The following PPARGC1A variants were observed in gnomAD, a reference collection of about 807,000 sequenced individuals.
PPARGC1A encodes peroxisome proliferator-activated receptor gamma coactivator 1-alpha.
In PPARGC1A, 25 loss-of-function variants were observed where a neutral mutation model predicts 88.7. The observed-to-expected ratio is 0.28, with a 90% confidence interval of 0.21 to 0.39. PPARGC1A has a LOEUF of 0.39. Ranked by LOEUF, PPARGC1A falls within the 10% of genes least tolerant of loss-of-function variation. PPARGC1A has a pLI of 1.00. For synonymous variants in PPARGC1A, 363 were observed against 355.6 expected, an observed-to-expected ratio of 1.02 and a Z score of -0.24; for missense variants, 880 against 968.7, an observed-to-expected ratio of 0.91 and a Z score of 1.22.
chr4:23,967,547 G>A, the PPARGC1A span, among the ~76,000 whole-genome samples: 737 of 152,132 alleles, frequency 4.8e-3, 4 homozygotes, highest in Non-Finnish European at 7.7e-3. Context: ...CAGGTTCAAG[G>A]GAAGGAATTT....
the PPARGC1A span, among the ~76,000 whole-genome samples, chr4:24,227,346 C>A: frequency 6.6e-6 from 1 of 152,150 alleles, no homozygotes; most frequent in East Asian, 1.9e-4. Context: ...ATCAGCCTCC[C>A]AAAGTGCTAG....
At chr4:24,312,518 A>G in the PPARGC1A span, among the ~76,000 whole-genome samples, 1 of 148,260 alleles carries the variant, frequency 6.7e-6, no homozygotes, top group Non-Finnish European at 1.5e-5. Flanking sequence ...AAACTCTTTA[A>G]TTTTCTTATT....
At chr4:24,370,749 C>CTTT in the PPARGC1A span, among the ~76,000 whole-genome samples, 414 of 62,852 alleles carry the variant, frequency 6.6e-3, 14 homozygotes, top group African/African-American at 0.019. Flanking sequence ...CTGTCTCTCT[C>CTTT]TTTTTTTTTT....
the PPARGC1A span, among the ~76,000 whole-genome samples, chr4:24,141,662 C>T: frequency 1.3e-5 from 2 of 152,148 alleles, no homozygotes; most frequent in Non-Finnish European, 1.5e-5. Flanking sequence ...ATCGAGGCAT[C>T]GAAAATTCAA....
chr4:24,197,659 C>T, the PPARGC1A span, among the ~76,000 whole-genome samples: 1 of 152,118 alleles, frequency 6.6e-6, no homozygotes, highest in East Asian at 1.9e-4. Flanking sequence ...TAAATACACA[C>T]CATAAATGTC....
the PPARGC1A span, among the ~76,000 whole-genome samples, chr4:24,248,635 C>A: frequency 6.6e-6 from 1 of 152,170 alleles, no homozygotes; most frequent in African/African-American, 2.4e-5. Context: ...TACTGTGTGG[C>A]CTTGGGCAGC....
At chr4:24,178,204 C>T in the PPARGC1A span, among the ~76,000 whole-genome samples, 1 of 152,300 alleles carries the variant, frequency 6.6e-6, no homozygotes, top group East Asian at 1.9e-4. Flanking sequence ...CTGTTTGCAA[C>T]TCACTGAGAT....
chr4:24,452,230 A>G, the PPARGC1A span, among the ~76,000 whole-genome samples: 1 of 151,146 alleles, frequency 6.6e-6, no homozygotes, highest in Admixed American at 6.6e-5. Flanking sequence ...AAAATAAATC[A>G]TCTCTCTCTG....
At chr4:24,433,778 A>G in the PPARGC1A span, among the ~76,000 whole-genome samples, 1 of 152,042 alleles carries the variant, frequency 6.6e-6, no homozygotes, top group Non-Finnish European at 1.5e-5. Flanking sequence ...ACTCCTCATC[A>G]TTCCTGAGCA....
At chr4:24,168,444 AC>A in the PPARGC1A span, among the ~76,000 whole-genome samples, 2 of 152,324 alleles carry the variant, frequency 1.3e-5, no homozygotes, top group South Asian at 2.1e-4. Context: ...TAAAAGTAAT[AC>A]CCAGTAACAA....
chr4:24,290,735 C>G, the PPARGC1A span, among the ~76,000 whole-genome samples: 9,824 of 151,848 alleles, frequency 0.065, 901 homozygotes, highest in African/African-American at 0.2. Context: ...TTGTGACAAA[C>G]TAATAAAGTA....
At chr4:23,851,373 G>C (rs1283878586) in intron 2 of PPARGC1A, among the ~76,000 whole-genome samples, 1 of 152,132 alleles carries the variant, frequency 6.6e-6, no homozygotes, top group East Asian at 1.9e-4. Flanking sequence ...ATATTGTTAT[G>C]CTGGGACAAT....
the PPARGC1A span, among the ~76,000 whole-genome samples, chr4:24,202,489 C>T: frequency 6.6e-6 from 1 of 152,132 alleles, no homozygotes; most frequent in Non-Finnish European, 1.5e-5. Context: ...TGTCCCTAGT[C>T]TTCTGAAGAG....
chr4:24,081,224 C>T, the PPARGC1A span, among the ~76,000 whole-genome samples: 1 of 152,076 alleles, frequency 6.6e-6, no homozygotes, highest in Admixed American at 6.6e-5. Context: ...TTGACCATTT[C>T]AGTTTCCAAA....
chr4:24,376,593 G>T, the PPARGC1A span, among the ~76,000 whole-genome samples: 1 of 152,174 alleles, frequency 6.6e-6, no homozygotes, highest in Non-Finnish European at 1.5e-5. Context: ...CTAGCTCACT[G>T]ATCTTTCCGT....
At chr4:23,852,084 G>A (rs1308238153) in intron 2 of PPARGC1A, among the ~76,000 whole-genome samples, 1 of 151,902 alleles carries the variant, frequency 6.6e-6, no homozygotes, top group Non-Finnish European at 1.5e-5. Flanking sequence ...CATCATGCAG[G>A]GCATAAATAT....
chr4:24,132,163 T>C, the PPARGC1A span, among the ~76,000 whole-genome samples: 1 of 152,112 alleles, frequency 6.6e-6, no homozygotes, highest in South Asian at 2.1e-4. Context: ...TAGAGGAGAT[T>C]GAGGCAGAGA....
chr4:23,851,228 C>A (rs75105302), intron 2 of PPARGC1A, among the ~76,000 whole-genome samples: 1 of 152,226 alleles, frequency 6.6e-6, no homozygotes. Context: ...AGGTAAACTG[C>A]AGATTGCTCC....
chr4:24,122,450 G>T, the PPARGC1A span, among the ~76,000 whole-genome samples: 1 of 150,502 alleles, frequency 6.6e-6, no homozygotes, highest in African/African-American at 2.4e-5. Flanking sequence ...GAGAGAGAGA[G>T]AGAGAGAGAG....
Sources: gnomAD v4.1 joint callset for allele counts (sites outside exome capture counted in the v4.1 genomes callset) on GRCh38, gnomAD v4.1.1 for gene constraint, MANE v1.5 for transcripts, NCBI Gene and HGNC (gene_info 2026-07-23, HGNC 2026-07-21) for gene names.